AMOTL1: variants seen among roughly 807,000 people sequenced by gnomAD.
AMOTL1 encodes the protein angiomotin-like protein 1.
Under a neutral mutation model 102.9 loss-of-function variants are expected in AMOTL1, and 45 were observed. The ratio of observed to expected loss-of-function variants is 0.44; its 90% CI spans 0.34 to 0.56. The LOEUF (loss-of-function observed/expected upper bound fraction) is 0.56. Ranked by LOEUF, AMOTL1 falls within the 20% of genes least tolerant of loss-of-function variation. AMOTL1 has a pLI of 0.01. For synonymous variants in AMOTL1, 481 were observed against 484.7 expected (o/e 0.99, Z 0.10); for missense variants, 1,114 against 1,225.6 (o/e 0.91, Z 1.36).
intron 1 of AMOTL1, among the ~76,000 whole-genome samples, chr11:94,717,460 A>G (rs551063349): frequency 1.3e-5 from 2 of 151,576 alleles, no homozygotes; most frequent in South Asian, 4.2e-4. Flanking sequence ...AAGAGCCAAC[A>G]AAAGTGGCAA....
In AMOTL1 at chr11:94,874,828, G is replaced by C. The variant is rs1295668606; in HGVS notation, c.*4033G>C. ...GCATTAAAAGCTTTTGAGGCAGGGGGCTCATGTTTTGACTGCAGGGAGTTA... is the reference window on the plus strand; with the variant it reads ...GCATTAAAAGCTTTTGAGGCAGGGGCCTCATGTTTTGACTGCAGGGAGTTA... On this transcript the variant is annotated 3_prime_UTR_variant, in exon 13 of 13. Coordinates refer to ENST00000433060, the MANE Select transcript of AMOTL1 (RefSeq NM_130847.3). 1 of 152,204 alleles carries C rather than the reference G, an allele frequency of 6.6e-6. No homozygotes were observed. The highest frequency in any genetic ancestry group is 1.5e-5 in the Non-Finnish European group (1 of 68,048). 9.4% of individuals were successfully genotyped at this position (152,204 alleles called of 1,614,324 possible). A position where few individuals can be genotyped will look rare whatever the true frequency, so the allele number is the denominator to read the frequency against.
chr11:94,715,954 C>G (rs935091713), intron 1 of AMOTL1, among the ~76,000 whole-genome samples: 4 of 152,068 alleles, frequency 2.6e-5, no homozygotes, highest in African/African-American at 7.2e-5. Flanking sequence ...TTTTCAGCAA[C>G]ACAGTATATT....
intron 3 of AMOTL1, among the ~76,000 whole-genome samples, chr11:94,802,931 GT>G (rs1165843712): frequency 6.6e-6 from 1 of 152,196 alleles, no homozygotes; most frequent in Non-Finnish European, 1.5e-5. Flanking sequence ...ACATTATCTT[GT>G]GCTTAAAGGG....
intron 3 of AMOTL1, among the ~76,000 whole-genome samples, chr11:94,753,141 G>T (rs940109698): frequency 2.6e-5 from 4 of 152,136 alleles, no homozygotes; most frequent in African/African-American, 4.8e-5. Flanking sequence ...TGTGGTGGGG[G>T]TTAACTTCAG....
chr11:94,794,024 C>T (rs1402845282), intron 1 of AMOTL1, among the ~76,000 whole-genome samples: 2 of 152,166 alleles, frequency 1.3e-5, no homozygotes, highest in African/African-American at 4.8e-5. Context: ...TAGTCACTTA[C>T]CACTAGCTAT....
Position 94,865,851 on chromosome 11 carries a change from A to G in AMOTL1, c.2262-91A>G, listed in dbSNP as rs1952871608. ...GCTTCATCCTGTATCCCTAAATTAC[A>G]ATTAAAGTCTTTGGGACAGCCTGAG... On this transcript the variant is annotated intron_variant, in intron 10 of 12. Transcript: ENST00000433060. 1.2e-5 allele frequency: 13 copies of G among 1,118,400 alleles called. No individual in the cohort carries two copies. The South Asian group carries it at 1.5e-4, about 13-fold the overall frequency. 69.3% of individuals were successfully genotyped at this position (1,118,400 alleles called of 1,614,324 possible).
chr11:94,796,752 G>T (rs1951374137), intron 2 of AMOTL1, among the ~76,000 whole-genome samples: 1 of 152,166 alleles, frequency 6.6e-6, no homozygotes, highest in African/African-American at 2.4e-5. Flanking sequence ...CAGTAACAAT[G>T]TCATCTGCTG....
chr11:94,808,965 C>CTT (rs199619372), intron 3 of AMOTL1, among the ~76,000 whole-genome samples: 1,120 of 111,782 alleles, frequency 0.01, 5 homozygotes, highest in Non-Finnish European at 0.014. Flanking sequence ...TTCTTTCTTT[C>CTT]TTTTTTTTTT....
chr11:94,714,493 G>A (rs185134005), intron 1 of AMOTL1, among the ~76,000 whole-genome samples: 3 of 152,200 alleles, frequency 2.0e-5, no homozygotes, highest in Non-Finnish European at 4.4e-5. Context: ...ATTCTCCAGT[G>A]AAATCATCTG....
chr11:94,783,009 A>G (rs1951134146), intron 1 of AMOTL1, among the ~76,000 whole-genome samples: 1 of 152,194 alleles, frequency 6.6e-6, no homozygotes, highest in Admixed American at 6.5e-5. Context: ...AATGCATTAA[A>G]TATTGATTTA....
intron 2 of AMOTL1, among the ~76,000 whole-genome samples, chr11:94,736,054 G>A (rs1343511175): frequency 6.6e-6 from 1 of 152,058 alleles, no homozygotes; most frequent in Admixed American, 6.5e-5. Context: ...TTGAGCTCCA[G>A]AAATATTTCC....
At chr11:94,765,774 A>G (rs966302861), upstream of AMOTL1, among the ~76,000 whole-genome samples, 1 of 152,146 alleles carries the variant, frequency 6.6e-6, no homozygotes, top group Admixed American at 6.5e-5. Context: ...CTACTTCTCC[A>G]GATTCTTCCT....
chr11:94,836,989 G>A (rs2135676958), intron 6 of AMOTL1, among the ~76,000 whole-genome samples: 2 of 122,092 alleles, frequency 1.6e-5, no homozygotes, highest in East Asian at 5.0e-4. Context: ...CATAGGCCAT[G>A]CTGGACACTG....
At chr11:94,802,256 C>G (rs1951492655) in intron 3 of AMOTL1, among the ~76,000 whole-genome samples, 1 of 152,210 alleles carries the variant, frequency 6.6e-6, no homozygotes, top group South Asian at 2.1e-4. Context: ...ATTTGCATCA[C>G]AGTGATTTAC....
intron 1 of AMOTL1, among the ~76,000 whole-genome samples, chr11:94,787,783 TAA>T (rs1366392080): frequency 7.9e-6 from 1 of 126,278 alleles, no homozygotes; most frequent in East Asian, 2.6e-4. Flanking sequence ...CTTAAAAAAA[TAA>T]GTCTATCAGA....
intron 3 of AMOTL1, among the ~76,000 whole-genome samples, chr11:94,756,157 C>G (rs1309097132): frequency 6.6e-6 from 1 of 152,182 alleles, no homozygotes; most frequent in Non-Finnish European, 1.5e-5. Flanking sequence ...GTGGTGTGCT[C>G]TTCTGCTCCT....
intron 6 of AMOTL1, among the ~76,000 whole-genome samples, chr11:94,833,136 C>G (rs1396169634): frequency 6.6e-6 from 1 of 152,184 alleles, no homozygotes; most frequent in Non-Finnish European, 1.5e-5. Context: ...GTTCTGAAGG[C>G]AAACACAAGA....
At chr11:94,743,528 T>C (rs763732869) in intron 3 of AMOTL1, among the ~76,000 whole-genome samples, 89 of 152,100 alleles carry the variant, frequency 5.9e-4, no homozygotes, top group Non-Finnish European at 8.7e-4. Context: ...TTACAGCAGT[T>C]GATGAGCTTG....
At chr11:94,853,786 A>G (rs895374713) in intron 7 of AMOTL1, 147 bp from the exon 8 acceptor site, 30 of 802,108 alleles carry the variant, frequency 3.7e-5, no homozygotes, top group Non-Finnish European at 5.7e-5. Context: ...GTTCCAGTGC[A>G]CTTGAAGGAT....
Sources: gnomAD v4.1 joint callset for allele counts (sites outside exome capture counted in the v4.1 genomes callset) on GRCh38, gnomAD v4.1.1 for gene constraint, MANE v1.5 for transcripts, NCBI Gene and HGNC (gene_info 2026-07-23, HGNC 2026-07-21) for gene names.